The following WASF1 variants were observed in gnomAD, a reference collection of about 807,000 sequenced individuals.
WASF1 encodes the protein actin-binding protein WASF1.
In WASF1, 7 loss-of-function variants were observed where a neutral mutation model predicts 50.5. The observed-to-expected ratio is 0.14, with a 90% CI of 0.08 to 0.26. The LOEUF is 0.26. Among genes scored for constraint, WASF1 ranks in the 10% least tolerant of loss-of-function variants. WASF1 has a pLI of 1.00. For missense variants in WASF1, 470 were observed against 694.7 expected (o/e 0.68, Z 3.64); for synonymous variants, 205 against 244.0 (o/e 0.84, Z 1.49).
chr6:110,166,238 T>C (rs578232596), intron 2 of WASF1, among the ~76,000 whole-genome samples: 1 of 151,518 alleles, frequency 6.6e-6, no homozygotes, highest in East Asian at 1.9e-4. Context: ...AGTTTACCAA[T>C]TGAAAAAAAA....
chr6:110,131,890 T>C (rs1774689054), intron 3 of WASF1, among the ~76,000 whole-genome samples: 1 of 152,336 alleles, frequency 6.6e-6, no homozygotes, highest in Non-Finnish European at 1.5e-5. Context: ...TGTATTTCCA[T>C]GTAAATTTTT....
intron 2 of WASF1, among the ~76,000 whole-genome samples, chr6:110,163,306 G>A (rs1584025233): frequency 6.6e-6 from 1 of 151,502 alleles, no homozygotes; most frequent in East Asian, 1.9e-4. Flanking sequence ...CACAGAATAG[G>A]CATCTTATAA....
intron 2 of WASF1, among the ~76,000 whole-genome samples, chr6:110,165,411 C>A (rs564777912): frequency 3.3e-5 from 5 of 151,602 alleles, no homozygotes; most frequent in Non-Finnish European, 1.5e-5. Context: ...GAACTATATA[C>A]ACTTTCAAAT....
chr6:110,111,757 G>A (rs1773568316), intron 5 of WASF1, among the ~76,000 whole-genome samples: 1 of 152,102 alleles, frequency 6.6e-6, no homozygotes, highest in Non-Finnish European at 1.5e-5. Context: ...AAAGATCAGT[G>A]ATTGCTAGGG....
In WASF1 at chr6:110,103,440, T is replaced by C; in HGVS notation, c.831A>G (p.Glu277=). ...CATGCATTGGTGGAGGTGGAGGTGG[T>C]TCATGTGGTCTGACTAATACCCTTT... is the stretch of plus-strand genomic sequence containing the variant. ...AEERVLVRPH[E]PPPPPPMHGA... Residue 277 remains glutamate, a synonymous_variant, in exon 9 of 11, where the codon GAA becomes GAG. Coordinates refer to ENST00000392589, the MANE Select transcript of WASF1 (RefSeq NM_003931.3). 1 of 1,614,058 alleles carries C rather than the reference T, an allele frequency of 6.2e-7. No homozygotes were observed. The highest frequency in any genetic ancestry group is 8.5e-7 in the Non-Finnish European group (1 of 1,179,940).
intron 4 of WASF1, among the ~76,000 whole-genome samples, chr6:110,114,175 G>C (rs1773691346): frequency 6.6e-6 from 1 of 152,138 alleles, no homozygotes; most frequent in Admixed American, 6.5e-5. Flanking sequence ...ATAAGAGTAG[G>C]AAGTAATCTC....
chr6:110,134,606 A>C (rs901248998), intron 3 of WASF1, among the ~76,000 whole-genome samples: 13 of 151,854 alleles, frequency 8.6e-5, no homozygotes, highest in African/African-American at 3.1e-4. Flanking sequence ...TTTTATTTTT[A>C]GTAGAGACAG....
intron 4 of WASF1, among the ~76,000 whole-genome samples, chr6:110,120,338 G>A (rs914643980): frequency 1.2e-4 from 18 of 152,106 alleles, no homozygotes; most frequent in East Asian, 3.9e-4. Flanking sequence ...CAACTTCAGC[G>A]AAGTCTCAGG....
chr6:110,166,846 A>C (rs1198304319), intron 2 of WASF1, among the ~76,000 whole-genome samples: 1 of 151,968 alleles, frequency 6.6e-6, no homozygotes, highest in African/African-American at 2.4e-5. Context: ...GATTAGCATA[A>C]AGCCTGGCAT....
intron 5 of WASF1, among the ~76,000 whole-genome samples, chr6:110,109,336 C>T (rs1024732986): frequency 1.3e-5 from 2 of 152,128 alleles, no homozygotes; most frequent in African/African-American, 4.8e-5. Flanking sequence ...GTCACTAGCA[C>T]AGCCCCATCA....
intron 4 of WASF1, among the ~76,000 whole-genome samples, chr6:110,117,670 A>G (rs777326164): frequency 6.6e-5 from 10 of 152,174 alleles, no homozygotes; most frequent in Admixed American, 2.0e-4. Context: ...TAACACCACA[A>G]AGATATTCCT....
intron 2 of WASF1, among the ~76,000 whole-genome samples, chr6:110,162,218 T>C (rs1320028837): frequency 6.6e-6 from 1 of 151,320 alleles, no homozygotes; most frequent in East Asian, 1.9e-4. Flanking sequence ...CAAATTCTGC[T>C]TCTCCTCTCC....
Position 110,103,535 on chromosome 6 carries a change from T to C in WASF1, c.736A>G (p.Met246Val). ...ETRPQTYVDHMDGSYSLSALP... is the reference protein window; with the variant it reads ...ETRPQTYVDHVDGSYSLSALP... ...GCAGAAAGTGAGTAAGATCCATCCA[T>C]ATGATCCACGTATGTCTGAGGTCTA... is the stretch of plus-strand genomic sequence containing the variant. The change falls in exon 9 of 11, where the codon ATG (methionine) becomes GTG (valine). Residue 246 changes from methionine (M) to valine (V), a missense_variant. Met to Val is a conservative substitution (Grantham distance 21). Transcript: ENST00000392589. The C allele has an allele frequency of 6.2e-7, 1 of 1,613,538 alleles. No individual in the cohort carries two copies. Among genetic ancestry groups the C allele is most frequent in the African/African-American group, 1.3e-5 (1 of 75,026 alleles).
chr6:110,173,660 T>C (rs1208738298), intron 2 of WASF1, among the ~76,000 whole-genome samples: 2 of 152,144 alleles, frequency 1.3e-5, no homozygotes, highest in Non-Finnish European at 2.9e-5. Context: ...CTCAGGACCA[T>C]GGACAAAGGA....
At chr6:110,124,237 T>TTCCTCTCTCTCC (rs1562170301) in intron 4 of WASF1, among the ~76,000 whole-genome samples, 6 of 22,056 alleles carry the variant, frequency 2.7e-4, no homozygotes, top group East Asian at 2.3e-3. Flanking sequence ...CTCTCTCTCC[T>TTCCTCTCTCTCC]CTCTCTCTCT....
intron 3 of WASF1, among the ~76,000 whole-genome samples, chr6:110,146,930 C>A (rs1775590522): frequency 6.6e-6 from 1 of 152,076 alleles, no homozygotes; most frequent in South Asian, 2.1e-4. Flanking sequence ...ACTCACAGGA[C>A]TAAAGAACTA....
intron 5 of WASF1, among the ~76,000 whole-genome samples, chr6:110,111,916 G>C (rs188867617): frequency 1.7e-4 from 26 of 152,074 alleles, no homozygotes; most frequent in Admixed American, 1.5e-3. Flanking sequence ...CTTTAAATGG[G>C]TGAACTGCAA....
At chr6:110,124,199 CT>C (rs1774265824) in intron 4 of WASF1, among the ~76,000 whole-genome samples, 1 of 124,296 alleles carries the variant, frequency 8.0e-6, no homozygotes, top group African/African-American at 3.9e-5. Context: ...GCGTCTCTCT[CT>C]CTCTCTCTCT....
intron 3 of WASF1, among the ~76,000 whole-genome samples, chr6:110,154,998 T>C (rs564750946): frequency 6.6e-6 from 1 of 152,072 alleles, no homozygotes; most frequent in Non-Finnish European, 1.5e-5. Context: ...ATGGGACAGC[T>C]AGTATTAATG....
Sources: allele counts gnomAD v4.1 joint callset (sites outside exome capture counted in the v4.1 genomes callset), GRCh38; gene constraint gnomAD v4.1.1; transcripts MANE v1.5; gene names NCBI Gene and HGNC (gene_info 2026-07-23, HGNC 2026-07-21).